GPR89A: variants seen among roughly 807,000 people sequenced by gnomAD.
GPR89A encodes G protein-coupled receptor 89A.
Under a neutral mutation model 52.0 loss-of-function variants are expected in GPR89A, and 16 were observed. That is an observed-to-expected ratio of 0.31 (90% confidence interval 0.21 to 0.47). The LOEUF (loss-of-function observed/expected upper bound fraction) is 0.47, where lower values mean the gene tolerates loss of function less well. GPR89A is among the 20% of genes least tolerant of loss of function. The pLI is 1.00. For synonymous variants in GPR89A, 55 were observed against 150.9 expected (o/e 0.36, Z 4.66); for missense variants, 135 against 449.4 (o/e 0.30, Z 6.33).
chr1:145,642,783 C>T (rs1553691925), intron 7 of GPR89A, among the ~76,000 whole-genome samples: 1 of 151,224 alleles, frequency 6.6e-6, no homozygotes, highest in Non-Finnish European at 1.5e-5. Flanking sequence ...CATTTTATGC[C>T]TGTAGGCCTT....
chr1:145,665,051 A>G (rs1232319029), intron 11 of GPR89A, among the ~76,000 whole-genome samples: 1 of 151,882 alleles, frequency 6.6e-6, no homozygotes, highest in Non-Finnish European at 1.5e-5. Context: ...TTTGGTGATT[A>G]GGGAACTATT....
chr1:145,654,294 C>T (rs1227256248), intron 10 of GPR89A, among the ~76,000 whole-genome samples: 1 of 151,984 alleles, frequency 6.6e-6, no homozygotes, highest in African/African-American at 2.4e-5. Context: ...TGGCTCATGC[C>T]GGTAATCCCA....
chr1:145,660,891 A>G (rs1652147562), intron 10 of GPR89A, among the ~76,000 whole-genome samples: 1 of 151,730 alleles, frequency 6.6e-6, no homozygotes, highest in Admixed American at 6.6e-5. Flanking sequence ...TGTGGAAGTC[A>G]GTGTGGCGAT....
At chr1:145,647,865 C>G (rs1455198846) in intron 10 of GPR89A, among the ~76,000 whole-genome samples, 3 of 85,124 alleles carry the variant, frequency 3.5e-5, no homozygotes, top group African/African-American at 4.8e-5. Flanking sequence ...CTCTCTCTCT[C>G]TCTCTCTCTC....
In GPR89A at chr1:145,645,262, G is replaced by A. The variant is rs9442073; in HGVS notation, c.728-922G>A. On this transcript the variant is annotated intron_variant, in intron 8 of 13. Transcript: ENST00000313835. Reference sequence around the variant, plus strand: ...TTTGGTGGCTTGAACCATGCCAGTAGTAGCCACTATTAAGGAAGGAACTGA... The same window carrying A: ...TTTGGTGGCTTGAACCATGCCAGTAATAGCCACTATTAAGGAAGGAACTGA... 480 of 289,954 alleles carry A rather than the reference G, an allele frequency of 1.7e-3. 1 individual carries two copies. The highest frequency in any genetic ancestry group is 8.4e-3 in the African/African-American group (375 of 44,764). The allele number at this position is 289,954 out of a possible 1,614,324, so 18.0% of individuals were successfully genotyped here.
intron 10 of GPR89A, among the ~76,000 whole-genome samples, chr1:145,648,538 G>C (rs1553693014): frequency 1.3e-5 from 2 of 151,158 alleles, no homozygotes; most frequent in African/African-American, 4.9e-5. Flanking sequence ...GTAGTACAGT[G>C]GTGCGATCTC....
intron 5 of GPR89A, among the ~76,000 whole-genome samples, chr1:145,626,927 T>G (rs1449750522): frequency 4.0e-5 from 3 of 75,140 alleles, no homozygotes; most frequent in African/African-American, 1.5e-4. Flanking sequence ...CCCTCCAGCC[T>G]GGGCGACAGA....
chr1:145,643,957 A>G lies in GPR89A; in HGVS notation c.706A>G (p.Thr236Ala). 3.1e-6 allele frequency: 1 copy of G among 317,490 alleles called. No individual in the cohort carries two copies. Among genetic ancestry groups the G allele is most frequent in the Non-Finnish European group, 5.2e-6 (1 of 191,492 alleles). 19.7% of individuals were successfully genotyped at this position (317,490 alleles called of 1,614,324 possible). The change falls in exon 8 of 14, where the codon ACT (threonine) becomes GCT (alanine). Residue 236 changes from threonine to alanine, a missense_variant. Thr to Ala is a moderately conservative substitution (Grantham distance 58). Around this residue, in one of 10 missense-constraint regions of GPR89A, gnomAD observed 23 missense variants for 42.2 expected, o/e 0.54. Coordinates refer to ENST00000313835, the MANE Select transcript of GPR89A (RefSeq NM_001097612.2). ...GFWGMIKSVT[T>A]SASGSENLTL... is the part of the protein sequence containing the mutation. ...CTGGGGAATGATAAAAAGTGTTACC[A>G]CTTCAGCATCAGGAAGTGAAAGTAT...
intron 7 of GPR89A, among the ~76,000 whole-genome samples, chr1:145,637,063 A>G (rs1369340986): frequency 6.6e-6 from 1 of 152,216 alleles, no homozygotes; most frequent in Non-Finnish European, 1.5e-5. Context: ...GAGCCTGAGA[A>G]AAATAGGCAG....
chr1:145,646,590 A>T (rs1247510365), intron 9 of GPR89A: 2 of 386,016 alleles, frequency 5.2e-6, no homozygotes, highest in East Asian at 1.1e-4. Context: ...TTCCTTTATA[A>T]GTTAGTAATA....
In GPR89A at chr1:145,653,928, C is replaced by T. The variant is rs1285932188; in HGVS notation, c.909+6661C>T. Among the ~76,000 whole-genome samples, 13 of 150,168 alleles carry T rather than the reference C, an allele frequency of 8.7e-5. 1 individual carries two copies. The highest frequency in any genetic ancestry group is 1.9e-4 in the Non-Finnish European group (13 of 67,694). On this transcript the variant is annotated intron_variant, in intron 10 of 13. Transcript: ENST00000313835. ...TTGATTCTTTATCCAGCTTGCCATT[C>T]TGTGTCTTTTAATTGGGGCATTTAG... is the stretch of plus-strand genomic sequence containing the variant.
intron 8 of GPR89A, chr1:145,645,754 T>C (rs1349204350): frequency 8.8e-6 from 4 of 454,368 alleles, no homozygotes; most frequent in Non-Finnish European, 1.8e-5. Context: ...GTAATGTCTG[T>C]AAATCCTAGC....
In GPR89A at chr1:145,635,431, A is replaced by G. The variant is rs587639415; in HGVS notation, c.617+3687A>G. The stretch of plus-strand genomic sequence containing the variant: ...AAAAAAGAAAAAAAAAGAATGATGA[A>G]GGCTCAGGTTCACTGACTAATTATT... On this transcript the variant is annotated intron_variant, in intron 7 of 13. Coordinates refer to ENST00000313835, the MANE Select transcript of GPR89A (RefSeq NM_001097612.2). Among the ~76,000 whole-genome samples, 20 of 151,362 alleles carry G rather than the reference A, an allele frequency of 1.3e-4. No individual in the cohort carries two copies. The East Asian group carries it at 3.9e-3, about 29-fold the overall frequency.
At chr1:145,609,233 G>T (rs1553685699) in intron 1 of GPR89A, among the ~76,000 whole-genome samples, 2 of 152,204 alleles carry the variant, frequency 1.3e-5, no homozygotes, top group African/African-American at 4.8e-5. Context: ...AACTAAATTT[G>T]TGTTCTTTGA....
chr1:145,650,469 G>A (rs1293969493), intron 10 of GPR89A, among the ~76,000 whole-genome samples: 1 of 151,740 alleles, frequency 6.6e-6, no homozygotes, highest in Non-Finnish European at 1.5e-5. Context: ...TCTTTATAAT[G>A]GAATGATTTA....
Position 145,625,231 on chromosome 1 carries a change from C to T in GPR89A, c.415+1517C>T, listed in dbSNP as rs188008574. ...AAGGCCGGAAAACTTAACATAACAC[C>T]AGCCTGCCAAAAGCATTCAAACTCT... On this transcript the variant is annotated intron_variant, in intron 5 of 13. Transcript: ENST00000313835. Among the ~76,000 whole-genome samples the T allele has an allele frequency of 5.9e-3, 890 of 151,240 alleles. 1 individual carries two copies. Among genetic ancestry groups the T allele is most frequent in the Non-Finnish European group, 8.0e-3 (540 of 67,852 alleles).
At position 145,647,768 on chromosome 1, in the gene GPR89A, GCAC is replaced by G. The variant is rs1651107302; in HGVS notation, c.909+502_909+504del. ...TGCAGTGAGCTAAGATCACGCCACT[GCAC>G]TCCAGCCTGGGGAGAGGGCGAGACT... is the stretch of plus-strand genomic sequence containing the variant. On this transcript the variant is annotated intron_variant, in intron 10 of 13. Coordinates refer to ENST00000313835, the MANE Select transcript of GPR89A (RefSeq NM_001097612.2). 2.3e-5 allele frequency among the ~76,000 whole-genome samples: 3 copies of G among 133,066 alleles called. No individual in the cohort carries two copies. The South Asian group carries it at 7.8e-4, about 35-fold the overall frequency. 87.3% of individuals were successfully genotyped at this position (133,066 alleles called of 152,430 possible).
intron 7 of GPR89A, among the ~76,000 whole-genome samples, chr1:145,639,773 A>G (rs1427681165): frequency 6.6e-6 from 1 of 150,634 alleles, no homozygotes; most frequent in African/African-American, 2.4e-5. Flanking sequence ...AAAGAAAAGA[A>G]ATACTGACAC....
At chr1:145,615,955 C>T (rs1559022826) in intron 1 of GPR89A, among the ~76,000 whole-genome samples, 1 of 151,338 alleles carries the variant, frequency 6.6e-6, no homozygotes, top group Non-Finnish European at 1.5e-5. Context: ...TTCTCTGGCT[C>T]ATATAATGAT....
Sources: allele counts gnomAD v4.1 joint callset (sites outside exome capture counted in the v4.1 genomes callset), GRCh38; gene constraint gnomAD v4.1.1; regional missense constraint gnomAD v4.1.1; transcripts MANE v1.5; gene names NCBI Gene and HGNC (gene_info 2026-07-23, HGNC 2026-07-21).